Variants in MIPEP observed in about 807,000 individuals in gnomAD.
MIPEP encodes the protein mitochondrial intermediate peptidase.
Under a neutral mutation model 90.3 loss-of-function variants are expected in MIPEP, and 79 were observed. The ratio of observed to expected loss-of-function variants is 0.87; its 90% CI spans 0.73 to 1.05. MIPEP has a LOEUF of 1.05. Ranked by LOEUF, MIPEP falls within the 50% of genes least tolerant of loss-of-function variation. The pLI is 0.00. For missense variants in MIPEP, 940 were observed against 905.6 expected, an observed-to-expected ratio of 1.04 and a Z score of -0.49; for synonymous variants, 334 against 315.8, an observed-to-expected ratio of 1.06 and a Z score of -0.61.
intron 16 of MIPEP, among the ~76,000 whole-genome samples, chr13:23,770,195 CA>C (rs1027491295): frequency 6.6e-5 from 10 of 152,176 alleles, no homozygotes; most frequent in Non-Finnish European, 1.0e-4. Context: ...TTCCTCAGAC[CA>C]TGTCCTGCTC....
chr13:23,854,268 A>C (rs1869952007), intron 10 of MIPEP, among the ~76,000 whole-genome samples: 1 of 130,238 alleles, frequency 7.7e-6, no homozygotes, highest in Non-Finnish European at 1.6e-5. Flanking sequence ...CTGTTTGTTT[A>C]ATTCATTTTT....
intron 10 of MIPEP, among the ~76,000 whole-genome samples, chr13:23,856,075 G>A (rs1184308673): frequency 2.0e-5 from 3 of 152,244 alleles, no homozygotes; most frequent in Admixed American, 2.0e-4. Flanking sequence ...CAGAATGTTT[G>A]TTCTTGCAGA....
At chr13:23,805,892 A>G (rs1006146823) in intron 16 of MIPEP, 58 bp downstream of exon 16, 7 of 1,575,822 alleles carry the variant, frequency 4.4e-6, no homozygotes, top group Non-Finnish European at 6.1e-6. Flanking sequence ...ATCACAAGCT[A>G]CAGAAGTAAT....
intron 10 of MIPEP, among the ~76,000 whole-genome samples, chr13:23,852,494 T>C (rs541421972): frequency 6.6e-6 from 1 of 152,298 alleles, no homozygotes; most frequent in East Asian, 1.9e-4. Flanking sequence ...GAGATGATAA[T>C]GGAACTGAAA....
intron 10 of MIPEP, among the ~76,000 whole-genome samples, chr13:23,854,188 ATT>A (rs568842347): frequency 0.43 from 49,363 of 114,544 alleles, 9,825 homozygotes; most frequent in East Asian, 0.54. Context: ...AGCCAGGCTA[ATT>A]TTTTTTTTTT....
intron 18 of MIPEP, among the ~76,000 whole-genome samples, chr13:23,749,352 T>C (rs1952415838): frequency 6.6e-6 from 1 of 151,922 alleles, no homozygotes; most frequent in Non-Finnish European, 1.5e-5. Flanking sequence ...AGGTTAGTAA[T>C]CAGGTTATTT....
rs78668262 is a variant in MIPEP at position 23,859,830 on chromosome 13, A to C, written c.1054-918T>G. ...TATTACCATTATCCTTTAACATTTC[A>C]GTTTAGGCATAATCTCCTCCAATAA... On this transcript the variant is annotated intron_variant, in intron 9 of 18. Transcript: ENST00000382172. Among the ~76,000 whole-genome samples, 513 of 152,348 alleles carry C rather than the reference A, an allele frequency of 3.4e-3. 5 individuals carry two copies. The highest frequency in any genetic ancestry group is 0.011 in the African/African-American group (474 of 41,594).
At chr13:23,857,561 C>A (rs780852439) in intron 10 of MIPEP, among the ~76,000 whole-genome samples, 41 of 151,998 alleles carry the variant, frequency 2.7e-4, no homozygotes, top group Admixed American at 2.2e-3. Flanking sequence ...CAAAGTGAGA[C>A]CCTGTCTCTA....
At chr13:23,762,539 A>T (rs897149667) in intron 16 of MIPEP, among the ~76,000 whole-genome samples, 1 of 152,180 alleles carries the variant, frequency 6.6e-6, no homozygotes, top group African/African-American at 2.4e-5. Flanking sequence ...CCTCAGAGAC[A>T]CACTGCACCT....
chr13:23,841,727 T>C (rs1291513283), intron 10 of MIPEP, among the ~76,000 whole-genome samples: 1 of 152,168 alleles, frequency 6.6e-6, no homozygotes, highest in Non-Finnish European at 1.5e-5. Context: ...TCCCTAACCT[T>C]TGTCCCTTCC....
chr13:23,839,193 T>G (rs1869187794), intron 12 of MIPEP, among the ~76,000 whole-genome samples: 1 of 152,170 alleles, frequency 6.6e-6, no homozygotes, highest in African/African-American at 2.4e-5. Flanking sequence ...ATAGGTTCAT[T>G]GTCGAGTATG....
At chr13:23,772,338 C>T (rs949446735) in intron 16 of MIPEP, among the ~76,000 whole-genome samples, 5 of 151,612 alleles carry the variant, frequency 3.3e-5, no homozygotes, top group African/African-American at 7.3e-5. Flanking sequence ...ACAAAAAAAA[C>T]GGCTACAGTT....
chr13:23,844,447 A>G (rs1236110766), intron 10 of MIPEP, among the ~76,000 whole-genome samples: 1 of 152,210 alleles, frequency 6.6e-6, no homozygotes, highest in Non-Finnish European at 1.5e-5. Flanking sequence ...AAGGCCACAG[A>G]GCAAACTGCT....
At chr13:23,747,063 C>G (rs1037981701) in intron 18 of MIPEP, among the ~76,000 whole-genome samples, 1 of 152,168 alleles carries the variant, frequency 6.6e-6, no homozygotes, top group Admixed American at 6.5e-5. Flanking sequence ...TGCTGTGGGG[C>G]AGCAGGGGCT....
chr13:23,798,680 G>C (rs1204217208), intron 16 of MIPEP, among the ~76,000 whole-genome samples: 1 of 152,102 alleles, frequency 6.6e-6, no homozygotes, highest in East Asian at 1.9e-4. Flanking sequence ...ACACAATAGT[G>C]ATTTCTTGTA....
At chr13:23,746,710 T>C (rs1952388318) in intron 18 of MIPEP, among the ~76,000 whole-genome samples, 1 of 152,070 alleles carries the variant, frequency 6.6e-6, no homozygotes, top group Admixed American at 6.6e-5. Flanking sequence ...TCTTATGATG[T>C]TTCCATTCAG....
At chr13:23,777,379 T>C (rs1304598296) in intron 16 of MIPEP, among the ~76,000 whole-genome samples, 1 of 152,230 alleles carries the variant, frequency 6.6e-6, no homozygotes, top group African/African-American at 2.4e-5. Flanking sequence ...GTTAAACTTA[T>C]AAACTATGTT....
intron 18 of MIPEP, among the ~76,000 whole-genome samples, chr13:23,745,536 T>C (rs1182014886): frequency 6.6e-6 from 1 of 152,184 alleles, no homozygotes; most frequent in Non-Finnish European, 1.5e-5. Context: ...TTTTTACTGG[T>C]ACTCCTTCCA....
chr13:23,819,153 G>C (rs922100872), intron 14 of MIPEP, among the ~76,000 whole-genome samples: 1 of 152,066 alleles, frequency 6.6e-6, no homozygotes, highest in African/African-American at 2.4e-5. Context: ...AAAAATTATG[G>C]GAGGCCATTG....
Sources: allele counts gnomAD v4.1 joint callset (sites outside exome capture counted in the v4.1 genomes callset), GRCh38; gene constraint gnomAD v4.1.1; transcripts MANE v1.5; gene names NCBI Gene and HGNC (gene_info 2026-07-23, HGNC 2026-07-21).